Variants in DNAH6 observed in about 807,000 individuals in gnomAD.
The protein encoded by DNAH6 is axonemal beta dynein heavy chain 6.
DNAH6 carries 340 observed loss-of-function variants against 491.4 expected under a neutral mutation model. That is an observed-to-expected ratio of 0.69 (90% CI 0.63 to 0.76). The LOEUF is 0.76. Ranked by LOEUF, DNAH6 falls within the 30% of genes least tolerant of loss-of-function variation. The pLI is 0.00. For synonymous variants in DNAH6, 1,603 were observed against 1,686.1 expected, an observed-to-expected ratio of 0.95 and a Z score of 1.21; for missense variants, 4,443 against 4,972.2, an observed-to-expected ratio of 0.89 and a Z score of 3.20.
rs1398132301 is a variant in DNAH6, at chr2:84,704,188, A to G, written c.8351A>G (p.Asn2784Ser). 9 of 1,551,936 alleles carry G rather than the reference A, an allele frequency of 5.8e-6. No homozygotes were observed. The highest frequency in any genetic ancestry group is 4.1e-5 in the African/African-American group (3 of 73,060). ...GCACTACCTGCACTAGATGCTGCCAATAAAGCACTGGATTCCTTAGATAAG... is the reference window on the plus strand; with the variant it reads ...GCACTACCTGCACTAGATGCTGCCAGTAAAGCACTGGATTCCTTAGATAAG... Reference protein sequence around the residue: ...DEALPALDAANKALDSLDKAD... With the variant: ...DEALPALDAASKALDSLDKAD... Residue 2784 changes from asparagine (N) to serine (S), a missense_variant, in exon 51 of 77, where the codon AAT becomes AGT. Transcript: ENST00000389394.
At chr2:84,807,743 C>G (rs1245908579) in intron 71 of DNAH6, among the ~76,000 whole-genome samples, 1 of 152,182 alleles carries the variant, frequency 6.6e-6, no homozygotes, top group Non-Finnish European at 1.5e-5. Context: ...TCAGCCAAAG[C>G]CAGGCACACC....
chr2:84,808,452 T>A lies in DNAH6; in HGVS notation c.11649T>A (p.Phe3883Leu). The stretch of plus-strand genomic sequence containing the variant: ...TGGAGGGTGCTTCTGAGAGCCTTTT[T>A]GTCAAGGATCTTCAAGGACGTCTGA... Reference protein sequence around the residue: ...LEMEGASESLFVKDLQGRLNS... With the variant: ...LEMEGASESLLVKDLQGRLNS... The change falls in exon 72 of 77, where the codon TTT becomes TTA. Residue 3883 changes from phenylalanine to leucine, a missense_variant. Physicochemically the swap from Phe to Leu is conservative, Grantham distance 22. Transcript: ENST00000389394. 2 of 1,545,722 alleles carry A rather than the reference T, an allele frequency of 1.3e-6. No individual in the cohort carries two copies. The highest frequency in any genetic ancestry group is 1.7e-6 in the Non-Finnish European group (2 of 1,145,454).
In DNAH6 at chr2:84,784,724, A is replaced by G. The variant is rs1198029882; in HGVS notation, c.10867A>G (p.Ser3623Gly). The G allele has an allele frequency of 2.6e-6, 4 of 1,542,234 alleles. No homozygotes were observed. Among genetic ancestry groups the G allele is most frequent in the African/African-American group, 1.4e-5 (1 of 72,768 alleles). The change falls in exon 66 of 77, where the codon AGT (serine) becomes GGT (glycine). Residue 3623 changes from serine to glycine, a missense_variant and splice_region_variant. Coordinates refer to ENST00000389394, the MANE Select transcript of DNAH6 (RefSeq NM_001370.2). ...ELIKTFTDPD[S>G]AIKDTFRLFL... is the part of the protein sequence containing the mutation. ...TGTTTTATCTTTGTTTTAAGCAGAT[A>G]GTGCTATCAAGGACACTTTTCGACT...
chr2:84,635,494 A>C (rs1688799022), intron 30 of DNAH6, among the ~76,000 whole-genome samples: 1 of 152,212 alleles, frequency 6.6e-6, no homozygotes, highest in South Asian at 2.1e-4. Context: ...GCCTATATTA[A>C]ACACAAGATC....
intron 63 of DNAH6, among the ~76,000 whole-genome samples, chr2:84,753,755 TAAAAAAAA>T (rs1162541312): frequency 2.9e-4 from 22 of 77,130 alleles, no homozygotes; most frequent in African/African-American, 1.0e-3. Context: ...GAAACTCTGT[TAAAAAAAA>T]AAAAAAAAAA....
the DNAH6 span, among the ~76,000 whole-genome samples, chr2:84,463,048 AC>A: frequency 1.3e-5 from 2 of 152,198 alleles, no homozygotes; most frequent in African/African-American, 4.8e-5. Flanking sequence ...TACCTAACTC[AC>A]GTCAGGATAC....
At chr2:84,553,616 C>T (rs1679724612) in intron 10 of DNAH6, among the ~76,000 whole-genome samples, 1 of 143,126 alleles carries the variant, frequency 7.0e-6, no homozygotes, top group Non-Finnish European at 1.5e-5. Flanking sequence ...GTGTATGCCA[C>T]CAGGACTGGC....
At position 84,546,814 on chromosome 2, in the gene DNAH6, A is replaced by ATG. The variant is rs569875320; in HGVS notation, c.931-453_931-452dup. 2.3e-3 allele frequency among the ~76,000 whole-genome samples: 350 copies of ATG among 152,314 alleles called. 2 individuals are homozygous for ATG. Among genetic ancestry groups the ATG allele is most frequent in the African/African-American group, 8.1e-3 (338 of 41,574 alleles). On this transcript the variant is annotated intron_variant, in intron 5 of 76. Transcript: ENST00000389394. ...TTTACGTTTAACCTTTTGAGAAAAC[A>ATG]TGAAGCAGTTTTCCAAAGCAACTTG...
chr2:84,750,144 T>C (rs552912307), intron 63 of DNAH6, among the ~76,000 whole-genome samples: 3 of 151,826 alleles, frequency 2.0e-5, no homozygotes, highest in South Asian at 4.2e-4. Context: ...ATTTTTTAGA[T>C]GTAATTGTGG....
chr2:84,601,006 TAA>T, intron 18 of DNAH6, among the ~76,000 whole-genome samples: 1 of 147,128 alleles, frequency 6.8e-6, no homozygotes, highest in African/African-American at 2.5e-5. Context: ...TAATATACTA[TAA>T]TAATATTATA....
In DNAH6 at chr2:84,805,715, G is replaced by C; in HGVS notation, c.11532G>C (p.Arg3844Ser). Residue 3844 changes from arginine (R) to serine (S), a missense_variant, in exon 71 of 77, where the codon AGG (arginine) becomes AGC (serine). Around this residue, in one of 3 missense-constraint regions of DNAH6, gnomAD observed 1,463 missense variants for 1,656.6 expected, o/e 0.88. Coordinates refer to ENST00000389394, the MANE Select transcript of DNAH6 (RefSeq NM_001370.2). ...ACACCATACTTGAGGTTCAGCCAAG[G>C]TCATCTACTGGTGGAGAGGGAAAAA... is the stretch of plus-strand genomic sequence containing the variant. ...LINTILEVQPRSSTGGEGKSN... is the reference protein window; with the variant it reads ...LINTILEVQPSSSTGGEGKSN... The C allele has an allele frequency of 1.3e-6, 2 of 1,551,744 alleles. No homozygotes were observed. Among genetic ancestry groups the C allele is most frequent in the Non-Finnish European group, 1.7e-6 (2 of 1,146,944 alleles).
At position 84,525,741 on chromosome 2, in the gene DNAH6, A is replaced by G. The variant is rs1676550360; in HGVS notation, c.399+3A>G. ...AAGATGCTGTGAAAAAAATGCAGGT[A>G]TAATATTAAAATACTTAATTGATTC... On this transcript the variant is annotated splice_donor_region_variant and intron_variant, in intron 3 of 76. Transcript: ENST00000389394. The G allele has an allele frequency of 6.5e-7, 1 of 1,533,496 alleles. No homozygotes were observed. Among genetic ancestry groups the G allele is most frequent in the Non-Finnish European group, 8.8e-7 (1 of 1,139,446 alleles). 95.0% of individuals were successfully genotyped at this position (1,533,496 alleles called of 1,614,324 possible).
chr2:84,762,036 T>C (rs1270214817), intron 63 of DNAH6, among the ~76,000 whole-genome samples: 1 of 152,076 alleles, frequency 6.6e-6, no homozygotes, highest in East Asian at 1.9e-4. Flanking sequence ...ACACAAAGGC[T>C]CCATATGGGT....
the DNAH6 span, among the ~76,000 whole-genome samples, chr2:84,490,402 C>A: frequency 1.1e-4 from 17 of 152,158 alleles, no homozygotes; most frequent in South Asian, 3.5e-3. Context: ...ATATAACCAT[C>A]ACCACAATCA....
chr2:84,670,050 C>G lies in DNAH6; in HGVS notation c.6307-278C>G, dbSNP rs1185360067. Among the ~76,000 whole-genome samples, 5 of 152,342 alleles carry G rather than the reference C, an allele frequency of 3.3e-5. 1 individual carries two copies. In the East Asian group the frequency reaches 9.6e-4, roughly 29 times the overall value. On this transcript the variant is annotated intron_variant, in intron 38 of 76. Transcript: ENST00000389394. ...TATTCTAAAAGAAATTTGGATCTTT[C>G]TATGACTCTTTCCATATATTGGCTT... is the stretch of plus-strand genomic sequence containing the variant.
At chr2:84,507,719 T>A in the DNAH6 span, among the ~76,000 whole-genome samples, 1 of 152,232 alleles carries the variant, frequency 6.6e-6, no homozygotes. Flanking sequence ...TAGATAGCTC[T>A]TATTATTTTG....
At chr2:84,642,670 T>A (rs927737861) in intron 33 of DNAH6, among the ~76,000 whole-genome samples, 1 of 152,146 alleles carries the variant, frequency 6.6e-6, no homozygotes, top group Non-Finnish European at 1.5e-5. Flanking sequence ...CATTTACAAC[T>A]AATCTAAGCC....
At position 84,716,613 on chromosome 2, in the gene DNAH6, T is replaced by C. The variant is rs1039666094; in HGVS notation, c.9611+986T>C. 2.2e-4 allele frequency among the ~76,000 whole-genome samples: 34 copies of C among 152,196 alleles called. 1 individual carries two copies. Among genetic ancestry groups the C allele is most frequent in the African/African-American group, 8.0e-4 (33 of 41,450 alleles). ...GGTTAACTTCTTTCCAATTAAAGTT[T>C]ATTTCAACATATTTTATGAATATAT... On this transcript the variant is annotated intron_variant, in intron 58 of 76. Coordinates refer to ENST00000389394, the MANE Select transcript of DNAH6 (RefSeq NM_001370.2).
intron 70 of DNAH6, among the ~76,000 whole-genome samples, chr2:84,803,136 C>T (rs1679086362): frequency 6.6e-6 from 1 of 152,156 alleles, no homozygotes; most frequent in Admixed American, 6.5e-5. Context: ...AAATTAACAA[C>T]CTAATGTTGC....
Sources: gnomAD v4.1 joint callset for allele counts (sites outside exome capture counted in the v4.1 genomes callset) on GRCh38, gnomAD v4.1.1 for gene constraint, gnomAD v4.1.1 regional missense constraint, MANE v1.5 for transcripts, NCBI Gene and HGNC (gene_info 2026-07-23, HGNC 2026-07-21) for gene names.